Variants in CLSTN2 observed in about 807,000 individuals in gnomAD.
CLSTN2 encodes calsyntenin-2.
CLSTN2 carries 48 observed loss-of-function variants against 101.2 expected under a neutral mutation model. The observed-to-expected ratio is 0.47, with a 90% CI of 0.38 to 0.60. The LOEUF (loss-of-function observed/expected upper bound fraction) is 0.60. CLSTN2 is among the 20% of genes least tolerant of loss of function. The pLI, the probability that CLSTN2 is intolerant of heterozygous loss-of-function variation, is 0.00. For synonymous variants in CLSTN2, 481 were observed against 463.6 expected (o/e 1.04, Z -0.48); for missense variants, 1,160 against 1,238.2 (o/e 0.94, Z 0.95).
intron 2 of CLSTN2, among the ~76,000 whole-genome samples, chr3:140,233,395 C>G (rs2086388424): frequency 1.3e-5 from 2 of 152,176 alleles, no homozygotes; most frequent in African/African-American, 4.8e-5. Flanking sequence ...ATGCAGCACC[C>G]CATGGCTATC....
chr3:140,401,446 C>T (rs2088240316), intron 2 of CLSTN2, among the ~76,000 whole-genome samples: 1 of 152,194 alleles, frequency 6.6e-6, no homozygotes, highest in Non-Finnish European at 1.5e-5. Flanking sequence ...TTGAATTGTT[C>T]CGTAGATGGA....
intron 8 of CLSTN2, among the ~76,000 whole-genome samples, chr3:140,485,231 T>C (rs1383427990): frequency 6.6e-6 from 1 of 152,244 alleles, no homozygotes; most frequent in Admixed American, 6.5e-5. Context: ...CTCCAGACCC[T>C]GTTTTCCTGG....
At chr3:140,456,064 CAT>C (rs1179147706) in intron 6 of CLSTN2, among the ~76,000 whole-genome samples, 5 of 152,154 alleles carry the variant, frequency 3.3e-5, no homozygotes, top group Admixed American at 3.3e-4. Flanking sequence ...CTTGGCAGGT[CAT>C]ATGATTGGCC....
At chr3:140,439,176 G>A (rs572421830) in intron 5 of CLSTN2, among the ~76,000 whole-genome samples, 2 of 152,236 alleles carry the variant, frequency 1.3e-5, no homozygotes, top group Non-Finnish European at 2.9e-5. Flanking sequence ...TTCCAGGAAC[G>A]GAATGTGGTG....
At chr3:139,946,918 A>G (rs1038830195) in intron 1 of CLSTN2, among the ~76,000 whole-genome samples, 8 of 152,148 alleles carry the variant, frequency 5.3e-5, no homozygotes, top group Admixed American at 5.2e-4. Context: ...GAACTAGAAG[A>G]CTCAAGGCAG....
intron 1 of CLSTN2, among the ~76,000 whole-genome samples, chr3:140,083,148 A>G (rs1419943976): frequency 1.3e-5 from 2 of 152,118 alleles, no homozygotes; most frequent in Non-Finnish European, 2.9e-5. Flanking sequence ...CTTCTGTTAT[A>G]GCATTTATTA....
chr3:140,374,013 T>G (rs1219516067), intron 2 of CLSTN2, among the ~76,000 whole-genome samples: 2 of 152,246 alleles, frequency 1.3e-5, no homozygotes, highest in Non-Finnish European at 2.9e-5. Flanking sequence ...TGAGCCTGGA[T>G]GGCTTCCATC....
chr3:140,222,563 T>C (rs780853285), intron 2 of CLSTN2, among the ~76,000 whole-genome samples: 37 of 152,236 alleles, frequency 2.4e-4, no homozygotes, highest in Non-Finnish European at 4.7e-4. Context: ...CATGCTTATA[T>C]CAAAACATCT....
chr3:140,374,380 C>A (rs2087891701), intron 2 of CLSTN2, among the ~76,000 whole-genome samples: 1 of 152,088 alleles, frequency 6.6e-6, no homozygotes, highest in Non-Finnish European at 1.5e-5. Context: ...CCTTTATAAC[C>A]CAACTCAAGT....
At chr3:140,485,596 G>A in intron 8 of CLSTN2, among the ~76,000 whole-genome samples, 1 of 152,162 alleles carries the variant, frequency 6.6e-6, no homozygotes, top group South Asian at 2.1e-4. Flanking sequence ...AGCTGCAGTG[G>A]GCTCCACCCA....
intron 2 of CLSTN2, among the ~76,000 whole-genome samples, chr3:140,360,638 G>A (rs2107949478): frequency 6.6e-6 from 1 of 152,172 alleles, no homozygotes; most frequent in South Asian, 2.1e-4. Context: ...AACAATACAA[G>A]TGAAAAAGCT....
intron 1 of CLSTN2, among the ~76,000 whole-genome samples, chr3:140,083,952 A>T (rs990574903): frequency 6.6e-6 from 1 of 152,188 alleles, no homozygotes; most frequent in African/African-American, 2.4e-5. Context: ...TCAAAAGTGG[A>T]CTCCTGATAC....
At chr3:140,008,624 C>G (rs1318285223) in intron 1 of CLSTN2, among the ~76,000 whole-genome samples, 1 of 152,230 alleles carries the variant, frequency 6.6e-6, no homozygotes, top group Non-Finnish European at 1.5e-5. Context: ...TTCTACTCTG[C>G]CTGGATCAGA....
At chr3:140,135,677 T>C (rs1163158529) in intron 1 of CLSTN2, among the ~76,000 whole-genome samples, 1 of 152,168 alleles carries the variant, frequency 6.6e-6, no homozygotes, top group Non-Finnish European at 1.5e-5. Flanking sequence ...CGAGGAACAA[T>C]AGCATTGGCT....
chr3:140,485,997 C>G (rs1440503336), intron 8 of CLSTN2, among the ~76,000 whole-genome samples: 1 of 151,948 alleles, frequency 6.6e-6, no homozygotes, highest in East Asian at 1.9e-4. Context: ...AACTCGGTAC[C>G]TCAGTTGGAA....
chr3:140,421,585 C>T (rs1398501052), intron 5 of CLSTN2, among the ~76,000 whole-genome samples: 2 of 152,142 alleles, frequency 1.3e-5, no homozygotes, highest in African/African-American at 2.4e-5. Flanking sequence ...GCCAGCAAGC[C>T]TATTCACTTT....
chr3:140,101,737 T>A (rs2008969599), intron 1 of CLSTN2, among the ~76,000 whole-genome samples: 1 of 152,214 alleles, frequency 6.6e-6, no homozygotes, highest in African/African-American at 2.4e-5. Context: ...GTTCAGAGCT[T>A]CAGGCTGCTT....
chr3:140,363,606 G>A (rs1026674576), intron 2 of CLSTN2, among the ~76,000 whole-genome samples: 9 of 59,974 alleles, frequency 1.5e-4, no homozygotes, highest in African/African-American at 3.7e-4. Context: ...AGAGGGACCC[G>A]GTAGGCACTT....
chr3:140,490,611 A>C (rs1446441337), intron 8 of CLSTN2, among the ~76,000 whole-genome samples: 2 of 151,646 alleles, frequency 1.3e-5, no homozygotes, highest in South Asian at 2.1e-4. Context: ...AAAAAAAAAA[A>C]AAAAACATGG....
Sources: gnomAD v4.1 joint callset for allele counts (sites outside exome capture counted in the v4.1 genomes callset) on GRCh38, gnomAD v4.1.1 for gene constraint, MANE v1.5 for transcripts, NCBI Gene and HGNC (gene_info 2026-07-23, HGNC 2026-07-21) for gene names.